The following LIN52 variants were observed in gnomAD, a reference collection of about 807,000 sequenced individuals.
LIN52 encodes protein lin-52 homolog.
A neutral mutation model predicts 18.5 loss-of-function variants in LIN52; 4 were observed. That is an observed-to-expected ratio of 0.22 (90% confidence interval 0.11 to 0.49). The LOEUF is 0.49. Among genes scored for constraint, LIN52 ranks in the 20% least tolerant of loss-of-function variants. The pLI is 0.97. For synonymous variants in LIN52, 34 were observed against 45.5 expected, an observed-to-expected ratio of 0.75 and a Z score of 1.02; for missense variants, 102 against 139.5, an observed-to-expected ratio of 0.73 and a Z score of 1.35.
intron 5 of LIN52, among the ~76,000 whole-genome samples, chr14:74,145,944 G>GT (rs2061151140): frequency 6.6e-6 from 1 of 152,070 alleles, no homozygotes; most frequent in Non-Finnish European, 1.5e-5. Flanking sequence ...TGGAAAACTT[G>GT]TTTTTTCATA....
At chr14:74,114,952 A>T (rs778498686) in intron 5 of LIN52, among the ~76,000 whole-genome samples, 2 of 152,174 alleles carry the variant, frequency 1.3e-5, no homozygotes, top group Admixed American at 6.5e-5. Flanking sequence ...CTACCTATGA[A>T]CTTTTCCTGA....
intron 5 of LIN52, among the ~76,000 whole-genome samples, chr14:74,137,657 G>A (rs1035577670): frequency 1.8e-4 from 28 of 151,722 alleles, no homozygotes; most frequent in African/African-American, 6.1e-4. Context: ...GCACCACCAT[G>A]CCTAACTAAT....
chr14:74,162,475 CAAA>C (rs35116380), intron 5 of LIN52, among the ~76,000 whole-genome samples: 1 of 95,346 alleles, frequency 1.0e-5, no homozygotes. Context: ...CTCCATCTCA[CAAA>C]AAAAAAAAAA....
chr14:74,091,519 A>T (rs2139848801), intron 2 of LIN52, among the ~76,000 whole-genome samples: 1 of 152,246 alleles, frequency 6.6e-6, no homozygotes, highest in South Asian at 2.1e-4. Flanking sequence ...CTGTAATCCC[A>T]GCACTTTGGG....
chr14:74,176,785 T>C (rs1277266383), intron 5 of LIN52, among the ~76,000 whole-genome samples: 2 of 152,178 alleles, frequency 1.3e-5, no homozygotes, highest in East Asian at 3.9e-4. Flanking sequence ...CAGTTAATGT[T>C]TTAATATTTC....
intron 5 of LIN52, among the ~76,000 whole-genome samples, chr14:74,179,571 G>T (rs1595188362): frequency 6.6e-6 from 1 of 151,024 alleles, no homozygotes; most frequent in Non-Finnish European, 1.5e-5. Context: ...CGGCAGAATC[G>T]CTTGAACCCG....
intron 5 of LIN52, among the ~76,000 whole-genome samples, chr14:74,152,488 C>T (rs60628471): frequency 0.17 from 26,258 of 151,974 alleles, 2,778 homozygotes; most frequent in East Asian, 0.58. Flanking sequence ...TCTCTAAAGC[C>T]TCACAACAGC....
At chr14:74,191,454 A>C (rs1466193823) in intron 5 of LIN52, among the ~76,000 whole-genome samples, 1 of 152,188 alleles carries the variant, frequency 6.6e-6, no homozygotes, top group Non-Finnish European at 1.5e-5. Flanking sequence ...TAGCTGTTAG[A>C]ATACATTCAA....
chr14:74,160,809 T>C (rs1319398205), intron 5 of LIN52, among the ~76,000 whole-genome samples: 1 of 152,218 alleles, frequency 6.6e-6, no homozygotes, highest in African/African-American at 2.4e-5. Flanking sequence ...CTTGTGGTCT[T>C]GAGGCCAGTT....
chr14:74,167,181 A>T (rs1415346791), intron 5 of LIN52, among the ~76,000 whole-genome samples: 1 of 149,166 alleles, frequency 6.7e-6, no homozygotes, highest in Admixed American at 6.8e-5. Flanking sequence ...ATGTCATTCA[A>T]CTCAAATCCA....
At chr14:74,190,006 C>T (rs539932196) in intron 5 of LIN52, among the ~76,000 whole-genome samples, 10 of 152,294 alleles carry the variant, frequency 6.6e-5, no homozygotes, top group African/African-American at 1.7e-4. Flanking sequence ...CATGGTGGCT[C>T]ATGCCTGTAA....
chr14:74,138,580 C>T (rs1463064201), intron 5 of LIN52, among the ~76,000 whole-genome samples: 2 of 152,058 alleles, frequency 1.3e-5, no homozygotes, highest in Non-Finnish European at 2.9e-5. Flanking sequence ...TAGCGAGTCT[C>T]CATCTCTACA....
chr14:74,162,493 A>G (rs2139566327), intron 5 of LIN52, among the ~76,000 whole-genome samples: 1 of 151,170 alleles, frequency 6.6e-6, no homozygotes, highest in South Asian at 2.1e-4. Context: ...AAAAAAAAAA[A>G]AAGATTGCTC....
intron 1 of LIN52, among the ~76,000 whole-genome samples, chr14:74,088,015 C>T (rs750214392): frequency 1.3e-4 from 20 of 152,080 alleles, no homozygotes; most frequent in African/African-American, 2.9e-4. Context: ...AAGGCTCAAG[C>T]GATTCTCCCA....
intron 5 of LIN52, among the ~76,000 whole-genome samples, chr14:74,162,112 A>G (rs958503113): frequency 1.3e-5 from 2 of 152,208 alleles, no homozygotes; most frequent in Non-Finnish European, 2.9e-5. Flanking sequence ...CATGGGGTTG[A>G]TAACTATCAT....
intron 5 of LIN52, among the ~76,000 whole-genome samples, chr14:74,130,325 G>C (rs1306166986): frequency 1.0e-5 from 1 of 98,226 alleles, no homozygotes; most frequent in South Asian, 2.9e-4. Context: ...TGCCAAGCTG[G>C]AGTGCAGTGG....
At chr14:74,100,664 C>G (rs2300195) in intron 4 of LIN52, among the ~76,000 whole-genome samples, 1 of 152,006 alleles carries the variant, frequency 6.6e-6, no homozygotes, top group Non-Finnish European at 1.5e-5. Context: ...TTAGTAGAGA[C>G]AGGGTTTCGC....
rs1315000657 is a variant in LIN52 at position 74,130,295 on chromosome 14, T to TTTTTTTTTTTTTTTTTTTTTTTTTC, written c.283+29058_283+29059insTTTTTTTTTTTTTTTTTTTTTTTCT. ...ATTTTTTGGTTTTTTTTTTTTTTTT[T>TTTTTTTTTTTTTTTTTTTTTTTTTC]TGAGACAGTCTCGCTCTTTTGCCAA... On this transcript the variant is annotated intron_variant, in intron 5 of 5. Coordinates refer to ENST00000555028, the MANE Select transcript of LIN52 (RefSeq NM_001024674.3). 1.3e-4 allele frequency among the ~76,000 whole-genome samples: 18 copies of TTTTTTTTTTTTTTTTTTTTTTTTTC among 140,360 alleles called. 2 individuals are homozygous for TTTTTTTTTTTTTTTTTTTTTTTTTC. The highest frequency in any genetic ancestry group is 2.3e-4 in the Non-Finnish European group (15 of 64,298). 92.1% of individuals were successfully genotyped at this position (140,360 alleles called of 152,430 possible). A position where few individuals can be genotyped will look rare whatever the true frequency, so the allele number is the denominator to read the frequency against.
rs1188436607 is a variant in LIN52 at position 74,115,652 on chromosome 14, A to G, written c.283+14414A>G. Among the ~76,000 whole-genome samples, 2 of 152,228 alleles carry G rather than the reference A, an allele frequency of 1.3e-5. 1 individual carries two copies. The highest frequency in any genetic ancestry group is 6.3e-3 in the Middle Eastern group (2 of 316). On this transcript the variant is annotated intron_variant, in intron 5 of 5. Coordinates refer to ENST00000555028, the MANE Select transcript of LIN52 (RefSeq NM_001024674.3). ...GGTTATTCTTAATTAGAAATTGTCAATTTAGCCTTAAGTATTTTATTTTTT... is the reference window on the plus strand; with the variant it reads ...GGTTATTCTTAATTAGAAATTGTCAGTTTAGCCTTAAGTATTTTATTTTTT...
Sources: allele counts gnomAD v4.1 joint callset (sites outside exome capture counted in the v4.1 genomes callset), GRCh38; gene constraint gnomAD v4.1.1; transcripts MANE v1.5; gene names NCBI Gene and HGNC (gene_info 2026-07-23, HGNC 2026-07-21).